Variants in UBAC2 observed in about 807,000 individuals in gnomAD.
The protein encoded by UBAC2 is ubiquitin-associated domain-containing protein 2.
UBAC2 carries 26 observed loss-of-function variants against 44.0 expected under a neutral mutation model. The ratio of observed to expected loss-of-function variants is 0.59; its 90% confidence interval spans 0.43 to 0.82. The LOEUF (loss-of-function observed/expected upper bound fraction) is 0.82, where lower values mean the gene tolerates loss of function less well. Ranked by LOEUF, UBAC2 falls within the 40% of genes least tolerant of loss-of-function variation. The pLI, the probability that UBAC2 is intolerant of heterozygous loss-of-function variation, is 0.00. For missense variants in UBAC2, 329 were observed against 419.4 expected (o/e 0.78, Z 1.88); for synonymous variants, 155 against 154.3 (o/e 1.00, Z -0.04).
chr13:99,303,159 G>C (rs1190248888), intron 4 of UBAC2, among the ~76,000 whole-genome samples: 3 of 152,166 alleles, frequency 2.0e-5, no homozygotes, highest in African/African-American at 7.2e-5. Context: ...TCTGCGAAAG[G>C]CCATTTATAG....
At chr13:99,377,176 G>A (rs568754072) in intron 8 of UBAC2, 16 of 147,842 alleles carry the variant, frequency 1.1e-4, no homozygotes, top group Admixed American at 1.0e-3. Context: ...GCTCTGTGTT[G>A]GGGGGAAGCA....
At chr13:99,294,285 T>A (rs904026864) in intron 4 of UBAC2, among the ~76,000 whole-genome samples, 1 of 152,166 alleles carries the variant, frequency 6.6e-6, no homozygotes. Context: ...TAGGCATGTC[T>A]TTTATTCTCA....
chr13:99,214,066 G>A (rs961759039), intron 1 of UBAC2, among the ~76,000 whole-genome samples: 2 of 152,092 alleles, frequency 1.3e-5, no homozygotes, highest in African/African-American at 4.8e-5. Flanking sequence ...TGATCTGCCT[G>A]CCTCATCCTC....
Position 99,346,228 on chromosome 13 carries a change from C to T in UBAC2, c.807+5663C>T, listed in dbSNP as rs968083151. Among the ~76,000 whole-genome samples, 77 of 152,258 alleles carry T rather than the reference C, an allele frequency of 5.1e-4. 1 individual carries two copies. Among genetic ancestry groups the T allele is most frequent in the African/African-American group, 1.3e-3 (55 of 41,544 alleles). ...AGAGTCTCCCTCCTTGATGTAAGTC[C>T]GTCATTCATCTCCAGTGCTGTAGTT... On this transcript the variant is annotated intron_variant, in intron 7 of 8. Transcript: ENST00000403766.
At chr13:99,341,184 G>A (rs2044879789) in intron 7 of UBAC2, among the ~76,000 whole-genome samples, 1 of 152,200 alleles carries the variant, frequency 6.6e-6, no homozygotes, top group Non-Finnish European at 1.5e-5. Flanking sequence ...CCTCAGGCCT[G>A]ATCTTTCTTG....
intron 6 of UBAC2, among the ~76,000 whole-genome samples, chr13:99,322,800 T>C (rs1423523652): frequency 6.6e-6 from 1 of 152,160 alleles, no homozygotes; most frequent in Admixed American, 6.5e-5. Flanking sequence ...TTTACGATGG[T>C]GCAAGATTAC....
intron 1 of UBAC2, 143 bp downstream of exon 1, chr13:99,201,082 T>G (rs2042789580): frequency 2.2e-6 from 3 of 1,339,436 alleles, no homozygotes; most frequent in Non-Finnish European, 2.9e-6. Flanking sequence ...ACCCTGCTAG[T>G]TCCCGGTCTT....
At chr13:99,322,114 A>G (rs2044575937) in intron 6 of UBAC2, among the ~76,000 whole-genome samples, 1 of 152,242 alleles carries the variant, frequency 6.6e-6, no homozygotes, top group Admixed American at 6.5e-5. Flanking sequence ...GCCAAGTGAC[A>G]TATATCAGTT....
At chr13:99,332,356 T>C (rs1012919534) in intron 6 of UBAC2, among the ~76,000 whole-genome samples, 1 of 152,220 alleles carries the variant, frequency 6.6e-6, no homozygotes, top group East Asian at 1.9e-4. Context: ...CTGATGAGCA[T>C]TATTTCATGA....
chr13:99,332,113 T>G (rs1242435009), intron 6 of UBAC2, among the ~76,000 whole-genome samples: 1 of 152,070 alleles, frequency 6.6e-6, no homozygotes, highest in African/African-American at 2.4e-5. Context: ...GATGGTCGGT[T>G]TCTTGAATGT....
rs9557184 is a variant in UBAC2, at chr13:99,242,789, C to T, written c.160-1043C>T. Among the ~76,000 whole-genome samples, 34 of 8,146 alleles carry T rather than the reference C, an allele frequency of 4.2e-3. 2 individuals carry two copies. Among genetic ancestry groups the T allele is most frequent in the South Asian group, 0.028 (5 of 180 alleles). The allele number at this position is 8,146 out of a possible 152,430, so 5.3% of individuals were successfully genotyped here. ...GCCGGGCGGAGACGCTCCTCACTTCCCAGACGGGGTGGCTGCCGGGCGGAG... is the reference window on the plus strand; with the variant it reads ...GCCGGGCGGAGACGCTCCTCACTTCTCAGACGGGGTGGCTGCCGGGCGGAG... On this transcript the variant is annotated intron_variant, in intron 2 of 8. Coordinates refer to ENST00000403766, the MANE Select transcript of UBAC2 (RefSeq NM_001144072.2).
intron 1 of UBAC2, chr13:99,231,465 T>C (rs1343295635): frequency 7.4e-6 from 1 of 134,826 alleles, no homozygotes; most frequent in African/African-American, 2.8e-5. Context: ...CAGGCTGGAG[T>C]ACAATGGTGT....
At chr13:99,286,741 C>G (rs929864382) in intron 4 of UBAC2, among the ~76,000 whole-genome samples, 4 of 152,274 alleles carry the variant, frequency 2.6e-5, no homozygotes, top group Non-Finnish European at 5.9e-5. Context: ...CCCACTTATA[C>G]GTACAAACAT....
intron 8 of UBAC2, among the ~76,000 whole-genome samples, chr13:99,384,831 T>TGTGATGCCAGGGCCGAGCGTGGCAGGGAC (rs1566533724): frequency 8.9e-6 from 1 of 112,328 alleles, no homozygotes. Flanking sequence ...GTGGCAGTGA[T>TGTGATGCCAGGGCCGAGCGTGGCAGGGAC]GCCAGGAGTG....
At chr13:99,362,863 T>C (rs1025940334) in intron 7 of UBAC2, among the ~76,000 whole-genome samples, 6 of 152,364 alleles carry the variant, frequency 3.9e-5, no homozygotes, top group Middle Eastern at 3.4e-3. Context: ...TCAGTAACAA[T>C]TGAACTTTTA....
At position 99,237,345 on chromosome 13, in the gene UBAC2, A is replaced by T. The variant is rs569784426; in HGVS notation, c.32-1082A>T. ...AAAAGAATGAAATCCTGTCATTTGC[A>T]GCCACATGGATGGAACTAGAAGACA... On this transcript the variant is annotated intron_variant, in intron 1 of 8. Transcript: ENST00000403766. 3.4e-3 allele frequency among the ~76,000 whole-genome samples: 516 copies of T among 152,096 alleles called. 6 individuals are homozygous for T. The highest frequency in any genetic ancestry group is 0.012 in the African/African-American group (493 of 41,518).
At chr13:99,340,187 G>A in intron 6 of UBAC2, 133 bp from the exon 7 acceptor site, 1 of 904,058 alleles carries the variant, frequency 1.1e-6, no homozygotes, top group Admixed American at 2.7e-5. Context: ...AGAGGATTTT[G>A]CTTATTGCCT....
chr13:99,311,160 AC>A (rs1456452135), intron 4 of UBAC2, among the ~76,000 whole-genome samples: 1 of 152,234 alleles, frequency 6.6e-6, no homozygotes, highest in East Asian at 1.9e-4. Flanking sequence ...AACAAAACAG[AC>A]CAAAATCCCC....
chr13:99,332,603 C>G (rs1029719400), intron 6 of UBAC2, among the ~76,000 whole-genome samples: 2 of 152,212 alleles, frequency 1.3e-5, no homozygotes, highest in South Asian at 2.1e-4. Flanking sequence ...GGTTGCGTGA[C>G]CATGTGTCCC....
Sources: gnomAD v4.1 joint callset for allele counts (sites outside exome capture counted in the v4.1 genomes callset) on GRCh38, gnomAD v4.1.1 for gene constraint, MANE v1.5 for transcripts, NCBI Gene and HGNC (gene_info 2026-07-23, HGNC 2026-07-21) for gene names.